Variants in HYDIN observed in about 807,000 individuals in gnomAD.
HYDIN encodes the protein axonemal central pair apparatus protein HYDIN.
In HYDIN, 132 loss-of-function variants were observed where a neutral mutation model predicts 403.9. The ratio of observed to expected loss-of-function variants is 0.33; its 90% CI spans 0.28 to 0.38. The LOEUF is 0.38. Among genes scored for constraint, HYDIN ranks in the 10% least tolerant of loss-of-function variants. The pLI is 1.00. For missense variants in HYDIN, 2,827 were observed against 5,009.5 expected (o/e 0.56, Z 13.15); for synonymous variants, 1,202 against 1,891.7 (o/e 0.64, Z 9.46).
intron 10 of HYDIN, among the ~76,000 whole-genome samples, chr16:71,112,503 G>A (rs1188970889): frequency 1.3e-5 from 2 of 151,498 alleles, no homozygotes. Context: ...AAACCACAGG[G>A]GGGAAATCAA....
At chr16:70,976,149 G>A (rs1312362891) in intron 30 of HYDIN, among the ~76,000 whole-genome samples, 2 of 152,228 alleles carry the variant, frequency 1.3e-5, no homozygotes, top group African/African-American at 4.8e-5. Flanking sequence ...GATAAACTAT[G>A]TGTGACAAAT....
At chr16:70,893,476 G>A (rs1479354085) in intron 55 of HYDIN, 5 of 152,234 alleles carry the variant, frequency 3.3e-5, no homozygotes, top group Non-Finnish European at 5.9e-5. Flanking sequence ...TTTCCTTGCT[G>A]AGGAGCCTCC....
chr16:71,061,681 GA>G lies in HYDIN; in HGVS notation c.2376+487del, dbSNP rs564496688. 7.2e-5 allele frequency among the ~76,000 whole-genome samples: 11 copies of G among 152,002 alleles called. No individual in the cohort carries two copies. In the South Asian group the frequency reaches 2.3e-3, roughly 32 times the overall value. ...AGAAAAGCTCAGGTGAGCAGTGAAG[GA>G]AACTGATCTCCCAGCCTACAGGTGA... is the stretch of plus-strand genomic sequence containing the variant. On this transcript the variant is annotated intron_variant, in intron 17 of 85. Transcript: ENST00000393567.
At chr16:71,009,179 A>G (rs2144094499) in intron 23 of HYDIN, among the ~76,000 whole-genome samples, 1 of 148,692 alleles carries the variant, frequency 6.7e-6, no homozygotes, top group South Asian at 2.2e-4. Context: ...CTGGCATATG[A>G]AGAGCTGGAG....
intron 6 of HYDIN, among the ~76,000 whole-genome samples, chr16:71,156,591 C>T (rs1445535789): frequency 9.2e-5 from 14 of 152,248 alleles, no homozygotes; most frequent in African/African-American, 3.4e-4. Flanking sequence ...TGTGAAAAAT[C>T]ATGAGCCATG....
At position 71,096,969 on chromosome 16, in the gene HYDIN, G is replaced by A. The variant is rs1345733806; in HGVS notation, c.1328-3034C>T. 7.5e-5 allele frequency among the ~76,000 whole-genome samples: 8 copies of A among 106,312 alleles called. 1 individual carries two copies. The highest frequency in any genetic ancestry group is 1.2e-4 in the Non-Finnish European group (7 of 59,226). 69.7% of individuals were successfully genotyped at this position (106,312 alleles called of 152,430 possible). On this transcript the variant is annotated intron_variant, in intron 10 of 85. Transcript: ENST00000393567. ...TAGCTGTTCTCAGCTAAGGTTTTGT[G>A]AGAGAATTAAGCCCCGCAGCAAATC...
chr16:71,075,881 C>T, intron 13 of HYDIN: 1 of 300,070 alleles, frequency 3.3e-6, no homozygotes, highest in Non-Finnish European at 6.9e-6. Flanking sequence ...GAGCAGACCA[C>T]TTCACAGAAT....
chr16:71,064,493 TAAC>T (rs1338253695), intron 16 of HYDIN, among the ~76,000 whole-genome samples: 1 of 152,118 alleles, frequency 6.6e-6, no homozygotes, highest in Non-Finnish European at 1.5e-5. Context: ...TCTGGGAAAT[TAAC>T]AACGATTTAC....
chr16:71,022,270 C>T lies in HYDIN; in HGVS notation c.3187-1953G>A, dbSNP rs140436205. Among the ~76,000 whole-genome samples, 506 of 152,262 alleles carry T rather than the reference C, an allele frequency of 3.3e-3. 6 individuals are homozygous for T. Among genetic ancestry groups the T allele is most frequent in the African/African-American group, 0.012 (490 of 41,536 alleles). ...TGAGAAGGAGTCAAGCACAGAGAGG[C>T]CATTCTATTTTAAAATGACCCCTTC... On this transcript the variant is annotated intron_variant, in intron 21 of 85. Transcript: ENST00000393567.
chr16:71,213,322 G>T (rs1422537739), intron 1 of HYDIN, among the ~76,000 whole-genome samples: 4 of 152,004 alleles, frequency 2.6e-5, no homozygotes, highest in Non-Finnish European at 5.9e-5. Flanking sequence ...AATAATAATA[G>T]CGTTTATAAT....
intron 23 of HYDIN, among the ~76,000 whole-genome samples, chr16:71,011,536 G>A (rs1753763520): frequency 1.6e-5 from 2 of 122,200 alleles, no homozygotes; most frequent in Admixed American, 1.7e-4. Context: ...GAAAGACCCT[G>A]TCTCTACAAA....
chr16:71,084,863 T>G (rs1395762352), intron 12 of HYDIN, among the ~76,000 whole-genome samples: 1 of 151,752 alleles, frequency 6.6e-6, no homozygotes, highest in Non-Finnish European at 1.5e-5. Flanking sequence ...AATCATGTGG[T>G]TTTTGTCCTT....
At chr16:70,955,616 C>G (rs769475807) in intron 39 of HYDIN, 68 bp from the exon 40 acceptor site, 1 of 673,628 alleles carries the variant, frequency 1.5e-6, no homozygotes, top group South Asian at 1.8e-5. Context: ...GAGAAAAGGT[C>G]TCAAGAGCAG....
At chr16:71,078,716 GGCTGGTCTTGAACTCCT>G (rs1277208207) in intron 13 of HYDIN, among the ~76,000 whole-genome samples, 3 of 152,096 alleles carry the variant, frequency 2.0e-5, no homozygotes, top group South Asian at 4.2e-4. Context: ...ATGTTGCCTG[GGCTGGTCTTGAACTCCT>G]GGGCTCAAGC....
chr16:70,994,877 G>A (rs984332434), intron 23 of HYDIN, among the ~76,000 whole-genome samples: 8 of 148,904 alleles, frequency 5.4e-5, no homozygotes, highest in South Asian at 4.3e-4. Context: ...TTGCCGGCTC[G>A]CTGCCCCACA....
intron 18 of HYDIN, among the ~76,000 whole-genome samples, chr16:71,057,313 A>G (rs1473171017): frequency 1.3e-5 from 2 of 151,200 alleles, no homozygotes; most frequent in African/African-American, 4.9e-5. Context: ...TTGTGTGAAA[A>G]CCTCTATTAA....
intron 12 of HYDIN, chr16:71,087,949 G>A (rs1055933398): frequency 1.9e-5 from 3 of 155,218 alleles, no homozygotes; most frequent in African/African-American, 7.3e-5. Context: ...CTGTGATAAT[G>A]GCCAAAGCTT....
At position 70,872,943 on chromosome 16, in the gene HYDIN, T is replaced by C. The variant is rs1212140923; in HGVS notation, c.10949-764A>G. ...CCCATCATCCACCTACCCACTCACC[T>C]ATCTACCCATCATCATCCACCCATC... On this transcript the variant is annotated intron_variant, in intron 64 of 85. Coordinates refer to ENST00000393567, the MANE Select transcript of HYDIN (RefSeq NM_001270974.2). 1.8e-4 allele frequency among the ~76,000 whole-genome samples: 22 copies of C among 121,468 alleles called. 1 individual carries two copies. The highest frequency in any genetic ancestry group is 1.4e-3 in the Admixed American group (17 of 12,462). 79.7% of individuals were successfully genotyped at this position (121,468 alleles called of 152,430 possible).
intron 18 of HYDIN, among the ~76,000 whole-genome samples, chr16:71,040,164 A>T (rs2081237735): frequency 6.6e-6 from 1 of 152,006 alleles, no homozygotes; most frequent in Admixed American, 6.5e-5. Flanking sequence ...GTGGAGTTTG[A>T]TCTTGCTGGT....
Sources: gnomAD v4.1 joint callset for allele counts (sites outside exome capture counted in the v4.1 genomes callset) on GRCh38, gnomAD v4.1.1 for gene constraint, MANE v1.5 for transcripts, NCBI Gene and HGNC (gene_info 2026-07-23, HGNC 2026-07-21) for gene names.